KLF2: variants seen among roughly 807,000 people sequenced by gnomAD.
KLF2 encodes KLF transcription factor 2, also known as Krueppel-like factor 2.
KLF2 carries 9 observed loss-of-function variants against 22.2 expected under a neutral mutation model. The observed-to-expected ratio is 0.40, with a 90% confidence interval of 0.24 to 0.71. The LOEUF (loss-of-function observed/expected upper bound fraction) is 0.71. Ranked by LOEUF, KLF2 falls within the 30% of genes least tolerant of loss-of-function variation. KLF2 has a pLI of 0.35. For synonymous variants in KLF2, 299 were observed against 264.2 expected (o/e 1.13, Z -1.28); for missense variants, 481 against 542.1 (o/e 0.89, Z 1.12).
chr19:16,325,812 C>G lies in KLF2; in HGVS notation c.672C>G (p.Asp224Glu). 1.5e-6 allele frequency: 2 copies of G among 1,350,766 alleles called. No individual in the cohort carries two copies. The highest frequency in any genetic ancestry group is 6.3e-5 in the East Asian group (2 of 31,632). 83.7% of individuals were successfully genotyped at this position (1,350,766 alleles called of 1,614,324 possible). A position where few individuals can be genotyped will look rare whatever the true frequency, so the allele number is the denominator to read the frequency against. The change falls in exon 2 of 3, where the codon GAC becomes GAG. Residue 224 changes from aspartate to glutamate, a missense_variant. Around this residue, in one of 2 missense-constraint regions of KLF2, gnomAD observed 421 missense variants for 435.1 expected, o/e 0.97. Coordinates refer to ENST00000248071, the MANE Select transcript of KLF2 (RefSeq NM_016270.4). ...PAPPAFGLFD[D>E]AAAAAAALGL... Reference sequence around the variant, plus strand: ...CCCCAGCCTTCGGTCTCTTCGACGACGCGGCCGCCGCCGCGGCAGCCCTGG... The same window carrying G: ...CCCCAGCCTTCGGTCTCTTCGACGAGGCGGCCGCCGCCGCGGCAGCCCTGG...
chr19:16,325,158 C>A, intron 1 of KLF2, 58 bp from the exon 2 acceptor site: 2 of 1,380,464 alleles, frequency 1.4e-6, no homozygotes, highest in South Asian at 1.4e-5. Flanking sequence ...TGGTAAAAGG[C>A]AAGCAGCGCC....
At chr19:16,326,160 G>C (rs974394577) in intron 2 of KLF2, 128 bp downstream of exon 2, 10 of 945,542 alleles carry the variant, frequency 1.1e-5, no homozygotes, top group Admixed American at 2.8e-5. Flanking sequence ...TCTGGCAGGT[G>C]GTGCACGCTT....
rs775365299 is a variant in KLF2, at chr19:16,325,452, G to A, written c.312G>A (p.Leu104=). ...TGCGACCCGAGCTGGATGCGCCGCT[G>A]GGGCCCGCACTGCACGGCCGCTTTC... ...ELLRPELDAP[L]GPALHGRFLL... The change falls in exon 2 of 3, where the codon CTG becomes CTA. Residue 104 remains leucine (L), a synonymous_variant. Coordinates refer to ENST00000248071, the MANE Select transcript of KLF2 (RefSeq NM_016270.4). 6 of 1,407,058 alleles carry A rather than the reference G, an allele frequency of 4.3e-6. No individual in the cohort carries two copies. Among genetic ancestry groups the A allele is most frequent in the Admixed American group, 3.2e-5 (1 of 31,056 alleles). 87.2% of individuals were successfully genotyped at this position (1,407,058 alleles called of 1,614,324 possible).
At position 16,328,566 on chromosome 19, in the gene KLF2, C is replaced by A; in HGVS notation, c.*1535C>A. 6.6e-6 allele frequency among the ~76,000 whole-genome samples: 1 copy of A among 152,212 alleles called. No individual in the cohort carries two copies. The highest frequency in any genetic ancestry group is 1.5e-5 in the Non-Finnish European group (1 of 68,032). On this transcript the variant is annotated 3_prime_UTR_variant, in exon 3 of 3. Coordinates refer to ENST00000248071, the MANE Select transcript of KLF2 (RefSeq NM_016270.4). ...TTTCCTCCCTCCCTGCATCCTTCCT[C>A]CTCCCCAACTACGGCAGCCCTGGAA...
intron 1 of KLF2, 50 bp from the exon 2 acceptor site, chr19:16,325,166 G>C: frequency 7.2e-7 from 1 of 1,386,376 alleles, no homozygotes; most frequent in Non-Finnish European, 9.5e-7. Context: ...GGCAAGCAGC[G>C]CCCCCCGAGC....
At position 16,327,340 on chromosome 19, in the gene KLF2, C is replaced by T. The variant is rs1599498443; in HGVS notation, c.*309C>T. The T allele has an allele frequency of 3.2e-6, 1 of 311,012 alleles. No homozygotes were observed. The allele number at this position is 311,012 out of a possible 1,614,324, so 19.3% of individuals were successfully genotyped here. ...ACTAGAGGATCGAGGCTTGTGATGCCTTGTGAGAAATAAGGGCCTTAATTT... is the reference window on the plus strand; with the variant it reads ...ACTAGAGGATCGAGGCTTGTGATGCTTTGTGAGAAATAAGGGCCTTAATTT... On this transcript the variant is annotated 3_prime_UTR_variant, in exon 3 of 3. Coordinates refer to ENST00000248071, the MANE Select transcript of KLF2 (RefSeq NM_016270.4).
chr19:16,327,261 T>C lies in KLF2; in HGVS notation c.*230T>C. ...CCACGATCCTCCTTGACGAGTTTTG[T>C]TTTTCAAAATGGTGCAATAATTTAA... is the stretch of plus-strand genomic sequence containing the variant. On this transcript the variant is annotated 3_prime_UTR_variant, in exon 3 of 3. Transcript: ENST00000248071. 2 of 433,128 alleles carry C rather than the reference T, an allele frequency of 4.6e-6. No homozygotes were observed. The highest frequency in any genetic ancestry group is 4.2e-6 in the Non-Finnish European group (1 of 237,904). The allele number at this position is 433,128 out of a possible 1,614,324, so 26.8% of individuals were successfully genotyped here.
Position 16,324,867 on chromosome 19 carries a change from C to G in KLF2, c.-57C>G, listed in dbSNP as rs564783405. 883 of 1,468,666 alleles carry G rather than the reference C, an allele frequency of 6.0e-4. 6 individuals carry two copies. The highest frequency in any genetic ancestry group is 1.4e-4 in the Non-Finnish European group (146 of 1,076,600). 91.0% of individuals were successfully genotyped at this position (1,468,666 alleles called of 1,614,324 possible). ...CCGCCCGCGCCCCGACCAGCCCGGC[C>G]TCGGGCAGCCACTCACCGGTGTCCC... On this transcript the variant is annotated 5_prime_UTR_variant, in exon 1 of 3. Coordinates refer to ENST00000248071, the MANE Select transcript of KLF2 (RefSeq NM_016270.4).
intron 1 of KLF2, 44 bp downstream of exon 1, chr19:16,325,042 C>A: frequency 6.7e-7 from 1 of 1,496,576 alleles, no homozygotes; most frequent in Non-Finnish European, 9.0e-7. Context: ...CCGTGGGCGG[C>A]GGGCTCGGGG....
rs2091883133 is a variant in KLF2, at chr19:16,324,922, C to T, written c.-2C>T. 6.3e-7 allele frequency: 1 copy of T among 1,596,362 alleles called. No individual in the cohort carries two copies. The highest frequency in any genetic ancestry group is 8.5e-7 in the Non-Finnish European group (1 of 1,172,768). On this transcript the variant is annotated 5_prime_UTR_variant, in exon 1 of 3. Transcript: ENST00000248071. ...CGCGTCCTTTCTCCCCGGGTCCCGG[C>T]CATGGCGCTGAGTGAACCCATCCTG... is the stretch of plus-strand genomic sequence containing the variant.
rs572587291 is a variant in KLF2 at position 16,328,433 on chromosome 19, C to T, written c.*1402C>T. On this transcript the variant is annotated 3_prime_UTR_variant, in exon 3 of 3. Transcript: ENST00000248071. Reference sequence around the variant, plus strand: ...TCACCTTCCCCATTCTCAGGGGCCCCGGGTAACCATGACCACCAACCATTG... The same window carrying T: ...TCACCTTCCCCATTCTCAGGGGCCCTGGGTAACCATGACCACCAACCATTG... 2.0e-4 allele frequency among the ~76,000 whole-genome samples: 30 copies of T among 152,244 alleles called. No individual in the cohort carries two copies. The highest frequency in any genetic ancestry group is 7.0e-4 in the African/African-American group (29 of 41,540).
Position 16,325,001 on chromosome 19 carries a change from G to A in KLF2, c.75+3G>A. ...GCCGCGAGCGCGGCCTGCAGGAGGT[G>A]AGGGCGGCGGGGACGGCGGGGCGGC... On this transcript the variant is annotated splice_donor_region_variant and intron_variant, in intron 1 of 2. Transcript: ENST00000248071. 6.3e-7 allele frequency: 1 copy of A among 1,585,106 alleles called. No individual in the cohort carries two copies. The highest frequency in any genetic ancestry group is 1.4e-5 in the African/African-American group (1 of 73,078).
intron 2 of KLF2, among the ~76,000 whole-genome samples, chr19:16,326,434 G>A (rs1002484988): frequency 1.3e-5 from 2 of 152,044 alleles, no homozygotes; most frequent in African/African-American, 4.8e-5. Flanking sequence ...AGGTAGTTGG[G>A]GAGTAGGTGC....
In KLF2 at chr19:16,328,633, C is replaced by G. The variant is rs1253936166; in HGVS notation, c.*1602C>G. ...TGGTAATCCACGAAAAGCAGAAATA[C>G]GATTTGACAATCTGATTCATTTTCC... On this transcript the variant is annotated 3_prime_UTR_variant, in exon 3 of 3. Coordinates refer to ENST00000248071, the MANE Select transcript of KLF2 (RefSeq NM_016270.4). Among the ~76,000 whole-genome samples the G allele has an allele frequency of 1.3e-5, 2 of 152,180 alleles. No individual in the cohort carries two copies. Among genetic ancestry groups the G allele is most frequent in the East Asian group, 1.9e-4 (1 of 5,200 alleles).
rs370090942 is a variant in KLF2 at position 16,326,814 on chromosome 19, C to T, written c.893-42C>T. On this transcript the variant is annotated intron_variant, in intron 2 of 2. Coordinates refer to ENST00000248071, the MANE Select transcript of KLF2 (RefSeq NM_016270.4). ...CCGGGGTAGCCATACGTGCCCTGTC[C>T]TGGGAGGGGAACTGACGCTTACTCT... 14 of 1,583,770 alleles carry T rather than the reference C, an allele frequency of 8.8e-6. No homozygotes were observed. The African/African-American group carries it at 1.1e-4, about 12-fold the overall frequency.
At position 16,328,662 on chromosome 19, in the gene KLF2, A is replaced by C. The variant is rs2091897108; in HGVS notation, c.*1631A>C. 6.6e-6 allele frequency among the ~76,000 whole-genome samples: 1 copy of C among 152,160 alleles called. No homozygotes were observed. The highest frequency in any genetic ancestry group is 1.5e-5 in the Non-Finnish European group (1 of 68,030). On this transcript the variant is annotated 3_prime_UTR_variant, in exon 3 of 3. Coordinates refer to ENST00000248071, the MANE Select transcript of KLF2 (RefSeq NM_016270.4). ...TTGACAATCTGATTCATTTTCCGAGAGTAAATAGCCTGGCCTCACTTCCGC... is the reference window on the plus strand; with the variant it reads ...TTGACAATCTGATTCATTTTCCGAGCGTAAATAGCCTGGCCTCACTTCCGC...
At chr19:16,326,825 A>G in intron 2 of KLF2, 31 bp from the exon 3 acceptor site, 1 of 1,593,014 alleles carries the variant, frequency 6.3e-7, no homozygotes, top group Non-Finnish European at 8.6e-7. Context: ...TGGGAGGGGA[A>G]CTGACGCTTA....
At chr19:16,325,127 AC>A in intron 1 of KLF2, 88 bp from the exon 2 acceptor site, 1 of 1,308,308 alleles carries the variant, frequency 7.6e-7, no homozygotes, top group Non-Finnish European at 1.0e-6. Flanking sequence ...GATGCGGGCC[AC>A]GGGGATCGCG....
chr19:16,325,175 G>A (rs943079736), intron 1 of KLF2, 41 bp from the exon 2 acceptor site: 7 of 1,415,192 alleles, frequency 4.9e-6, no homozygotes, highest in African/African-American at 1.5e-5. Context: ...CGCCCCCCGA[G>A]CCCCGCCGCC....
Sources: allele counts gnomAD v4.1 joint callset (sites outside exome capture counted in the v4.1 genomes callset), GRCh38; gene constraint gnomAD v4.1.1; regional missense constraint gnomAD v4.1.1; transcripts MANE v1.5; gene names NCBI Gene and HGNC (gene_info 2026-07-23, HGNC 2026-07-21).